Variants in DYNC2H1 observed in about 807,000 individuals in gnomAD.
The protein encoded by DYNC2H1 is dynein cytoplasmic 2 heavy chain 1, also known as cytoplasmic dynein 2 heavy chain 1.
A neutral mutation model predicts 570.0 loss-of-function variants in DYNC2H1; 410 were observed. The observed-to-expected ratio is 0.72, with a 90% CI of 0.66 to 0.78. DYNC2H1 has a LOEUF of 0.78. DYNC2H1 is among the 30% of genes least tolerant of loss of function. The pLI is 0.00. For missense variants in DYNC2H1, 4,865 were observed against 5,046.4 expected, an observed-to-expected ratio of 0.96 and a Z score of 1.09; for synonymous variants, 1,688 against 1,677.6, an observed-to-expected ratio of 1.01 and a Z score of -0.15.
chr11:103,360,993 A>C (rs915355825), intron 83 of DYNC2H1, among the ~76,000 whole-genome samples: 2 of 152,170 alleles, frequency 1.3e-5, no homozygotes, highest in African/African-American at 2.4e-5. Context: ...AGACTATTTC[A>C]AGCCAAGGTG....
At chr11:103,321,492 A>C (rs1938195294) in intron 81 of DYNC2H1, among the ~76,000 whole-genome samples, 1 of 152,178 alleles carries the variant, frequency 6.6e-6, no homozygotes, top group Non-Finnish European at 1.5e-5. Flanking sequence ...GGGAGTGGCC[A>C]AAGAAAATTC....
chr11:103,150,906 A>G (rs1437941508), intron 20 of DYNC2H1, among the ~76,000 whole-genome samples: 1 of 152,190 alleles, frequency 6.6e-6, no homozygotes, highest in Non-Finnish European at 1.5e-5. Context: ...ACATGAGATA[A>G]TAAAAGAACT....
At chr11:103,202,185 C>CT (rs1157983240) in intron 50 of DYNC2H1, among the ~76,000 whole-genome samples, 2 of 151,876 alleles carry the variant, frequency 1.3e-5, no homozygotes, top group African/African-American at 4.8e-5. Flanking sequence ...CTTGAGTGGA[C>CT]TTAGAGCGTT....
chr11:103,389,413 A>G (rs1433776261), intron 83 of DYNC2H1, among the ~76,000 whole-genome samples: 2 of 152,060 alleles, frequency 1.3e-5, no homozygotes, highest in East Asian at 1.9e-4. Flanking sequence ...TGTTGCTAGC[A>G]GTCTATCAAT....
In DYNC2H1 at chr11:103,204,840, A is replaced by G; in HGVS notation, c.8330A>G (p.His2777Arg). ...YFTYRIQQNLHIVLIMDSANS... is the reference protein window; with the variant it reads ...YFTYRIQQNLRIVLIMDSANS... ...TTCTTAGGAATTCAGCAAAACTTGC[A>G]TATTGTCTTGATAATGGATTCTGCA... Residue 2777 changes from histidine to arginine, a missense_variant, in exon 52 of 89, where the codon CAT becomes CGT. Transcript: ENST00000375735. This position sits in a 1 kb window ranked among gnomAD's most constrained non-coding sequence, Gnocchi z 4.1. 1 of 1,587,816 alleles carries G rather than the reference A, an allele frequency of 6.3e-7. No homozygotes were observed. The highest frequency in any genetic ancestry group is 8.6e-7 in the Non-Finnish European group (1 of 1,165,664).
At chr11:103,354,367 G>T (rs1057034511) in intron 82 of DYNC2H1, among the ~76,000 whole-genome samples, 6 of 151,354 alleles carry the variant, frequency 4.0e-5, no homozygotes, top group African/African-American at 1.5e-4. Context: ...TCCCTCAATG[G>T]TTATACTAAA....
intron 53 of DYNC2H1, 78 bp from the exon 54 acceptor site, chr11:103,211,711 C>G: frequency 1.7e-6 from 1 of 586,018 alleles, no homozygotes; most frequent in South Asian, 4.1e-5. Flanking sequence ...TATAAAATAA[C>G]TATCATTAGG....
At position 103,204,577 on chromosome 11, in the gene DYNC2H1, C is replaced by A. The variant is rs1862851351; in HGVS notation, c.8312-245C>A. Among the ~76,000 whole-genome samples, 1 of 151,890 alleles carries A rather than the reference C, an allele frequency of 6.6e-6. No individual in the cohort carries two copies. Among genetic ancestry groups the A allele is most frequent in the Non-Finnish European group, 1.5e-5 (1 of 67,942 alleles). ...GTAAAAAATGAGGCAATAATCACAC[C>A]ACCCAGACATTATGACACTTACATT... On this transcript the variant is annotated intron_variant, in intron 51 of 88. Coordinates refer to ENST00000375735, the MANE Select transcript of DYNC2H1 (RefSeq NM_001377.3). The surrounding 1 kb of genome is among the most constrained non-coding windows in gnomAD (Gnocchi z 4.1).
intron 17 of DYNC2H1, 66 bp from the exon 18 acceptor site, chr11:103,143,202 A>G (rs938760897): frequency 2.0e-5 from 30 of 1,527,482 alleles, no homozygotes; most frequent in Middle Eastern, 2.3e-4. Context: ...GTTGAATCCT[A>G]TTCTATTATA....
rs679691 is a variant in DYNC2H1 at position 103,215,652 on chromosome 11, G to T, written c.8695-69G>T. On this transcript the variant is annotated intron_variant, in intron 54 of 88. Transcript: ENST00000375735. The stretch of plus-strand genomic sequence containing the variant: ...CATGTTTGCTTGATTCTTTTCTATA[G>T]GGCTTTATTTACTGTGTGTGTAAAA... 1,111,093 of 1,396,538 alleles carry T rather than the reference G, an allele frequency of 0.8. 442,758 individuals carry two copies. The highest frequency in any genetic ancestry group is 0.84 in the Admixed American group (30,230 of 35,922). 86.5% of individuals were successfully genotyped at this position (1,396,538 alleles called of 1,614,324 possible). A position where few individuals can be genotyped will look rare whatever the true frequency, so the allele number is the denominator to read the frequency against.
chr11:103,148,111 G>T (rs1860337290), intron 19 of DYNC2H1, among the ~76,000 whole-genome samples: 1 of 152,042 alleles, frequency 6.6e-6, no homozygotes, highest in South Asian at 2.1e-4. Flanking sequence ...AGCTGAGAAA[G>T]GTAGATAATT....
intron 84 of DYNC2H1, among the ~76,000 whole-genome samples, chr11:103,425,209 G>A (rs1161251101): frequency 9.7e-6 from 1 of 102,954 alleles, no homozygotes; most frequent in Non-Finnish European, 1.9e-5. Flanking sequence ...AAAGTGCTGG[G>A]ATTACAGGTG....
At position 103,321,231 on chromosome 11, in the gene DYNC2H1, C is replaced by T. The variant is rs1190462955; in HGVS notation, c.11928C>T (p.Ser3976=). Residue 3976 remains serine, a synonymous_variant, in exon 81 of 89, where the codon AGC becomes AGT. Transcript: ENST00000375735. ...CCGTATCTCTACCACAATCCTGCAG[C>T]ATTTTGGTAGGTAAAATGAATGATT... ...PYSVSLPQSC[S]ILDYRAVIEK... 2 of 1,604,870 alleles carry T rather than the reference C, an allele frequency of 1.2e-6. No homozygotes were observed. Among genetic ancestry groups the T allele is most frequent in the Non-Finnish European group, 8.5e-7 (1 of 1,174,664 alleles).
intron 11 of DYNC2H1, 91 bp downstream of exon 11, chr11:103,123,091 C>G (rs1253281997): frequency 5.5e-6 from 6 of 1,086,468 alleles, no homozygotes; most frequent in Non-Finnish European, 7.1e-6. Flanking sequence ...TTCCTTTCTC[C>G]AAACTTGCTA....
chr11:103,133,803 A>G lies in DYNC2H1; in HGVS notation c.2106+96A>G. The stretch of plus-strand genomic sequence containing the variant: ...TAAAAACTTATTTTGAAATAATTTG[A>G]GACTTAAAGTTACAAAAATAGTACA... On this transcript the variant is annotated intron_variant, in intron 14 of 88. Transcript: ENST00000375735. The surrounding 1 kb of genome is among the most constrained non-coding windows in gnomAD (Gnocchi z 4.8). 7.7e-7 allele frequency: 1 copy of G among 1,299,772 alleles called. No individual in the cohort carries two copies. Among genetic ancestry groups the G allele is most frequent in the Non-Finnish European group, 1.0e-6 (1 of 967,498 alleles). The allele number at this position is 1,299,772 out of a possible 1,614,324, so 80.5% of individuals were successfully genotyped here. A position where few individuals can be genotyped will look rare whatever the true frequency, so the allele number is the denominator to read the frequency against.
intron 54 of DYNC2H1, among the ~76,000 whole-genome samples, chr11:103,213,740 A>G (rs1251614382): frequency 1.3e-5 from 2 of 152,122 alleles, no homozygotes; most frequent in Admixed American, 1.3e-4. Context: ...CTCTTGTCAG[A>G]TGAACAGTTT....
intron 63 of DYNC2H1, among the ~76,000 whole-genome samples, chr11:103,238,220 C>T (rs975024809): frequency 2.4e-4 from 37 of 152,150 alleles, no homozygotes; most frequent in African/African-American, 8.4e-4. Flanking sequence ...GAAAAGATGG[C>T]TAGACATGAT....
intron 11 of DYNC2H1, among the ~76,000 whole-genome samples, chr11:103,123,516 G>A (rs1026744184): frequency 2.0e-5 from 3 of 152,030 alleles, no homozygotes; most frequent in East Asian, 3.9e-4. Context: ...TGGCTCTGGA[G>A]GAAAAATAGA....
intron 84 of DYNC2H1, among the ~76,000 whole-genome samples, chr11:103,427,815 C>T (rs79193679): frequency 0.027 from 4,122 of 152,172 alleles, 125 homozygotes; most frequent in African/African-American, 0.068. Flanking sequence ...AAGATTTCAA[C>T]ATATGCATCT....
Sources: allele counts gnomAD v4.1 joint callset (sites outside exome capture counted in the v4.1 genomes callset), GRCh38; gene constraint gnomAD v4.1.1; non-coding constraint Gnocchi (gnomAD v3.1); transcripts MANE v1.5; gene names NCBI Gene and HGNC (gene_info 2026-07-23, HGNC 2026-07-21).